The following ATE1 variants were observed in gnomAD, a reference collection of about 807,000 sequenced individuals.
The protein encoded by ATE1 is arginyltransferase 1.
In ATE1, 36 loss-of-function variants were observed where a neutral mutation model predicts 70.5. The ratio of observed to expected loss-of-function variants is 0.51; its 90% CI spans 0.39 to 0.67. The LOEUF (loss-of-function observed/expected upper bound fraction) is 0.67, where lower values mean the gene tolerates loss of function less well. Among genes scored for constraint, ATE1 ranks in the 30% least tolerant of loss-of-function variants. The probability of loss-of-function intolerance (pLI) is 0.00; values close to 1 mark genes in which losing one functional copy is unlikely to be tolerated. For synonymous variants in ATE1, 232 were observed against 219.3 expected, an observed-to-expected ratio of 1.06 and a Z score of -0.51; for missense variants, 593 against 629.5, an observed-to-expected ratio of 0.94 and a Z score of 0.62.
At chr10:121,894,124 C>T (rs1272760741) in intron 7 of ATE1, among the ~76,000 whole-genome samples, 13 of 119,630 alleles carry the variant, frequency 1.1e-4, no homozygotes, top group Non-Finnish European at 1.5e-4. Flanking sequence ...GCAACAAGAG[C>T]GAAACTCCAT....
At chr10:121,928,262 T>C (rs747759632), upstream of ATE1, 262 of 1,406,342 alleles carry the variant, frequency 1.9e-4, no homozygotes, top group Non-Finnish European at 2.4e-4. Context: ...GAAGCGGGAG[T>C]CGGGGTGCGA....
intron 10 of ATE1, among the ~76,000 whole-genome samples, chr10:121,806,250 G>A (rs1393245622): frequency 3.3e-5 from 5 of 152,068 alleles, no homozygotes; most frequent in African/African-American, 1.2e-4. Flanking sequence ...TCAGGAGTTC[G>A]AGACCAATCT....
At chr10:121,889,626 G>A (rs1378301137) in intron 7 of ATE1, among the ~76,000 whole-genome samples, 5 of 152,066 alleles carry the variant, frequency 3.3e-5, no homozygotes, top group African/African-American at 1.2e-4. Flanking sequence ...AATATAGCAA[G>A]ACTCTACCTC....
At chr10:121,844,184 G>A (rs1398375989) in intron 8 of ATE1, among the ~76,000 whole-genome samples, 1 of 152,246 alleles carries the variant, frequency 6.6e-6, no homozygotes, top group Non-Finnish European at 1.5e-5. Context: ...AGGATCCTCT[G>A]AGCCCAGGAG....
At chr10:121,919,715 T>C (rs1175042702) in intron 3 of ATE1, among the ~76,000 whole-genome samples, 2 of 152,054 alleles carry the variant, frequency 1.3e-5, no homozygotes, top group Non-Finnish European at 2.9e-5. Flanking sequence ...GCGGCCAACA[T>C]GGTGAAACCC....
intron 1 of ATE1, among the ~76,000 whole-genome samples, chr10:121,924,573 G>A (rs1421252461): frequency 2.0e-5 from 3 of 151,490 alleles, no homozygotes; most frequent in Admixed American, 6.6e-5. Context: ...AGTGGCGGGC[G>A]CCTGTAATCC....
chr10:121,909,701 C>A (rs886552647), intron 5 of ATE1, among the ~76,000 whole-genome samples: 4 of 152,088 alleles, frequency 2.6e-5, no homozygotes, highest in Non-Finnish European at 4.4e-5. Context: ...AAAGAATTGA[C>A]CCTACCCCCC....
intron 6 of ATE1, among the ~76,000 whole-genome samples, chr10:121,900,831 T>G (rs988589425): frequency 6.6e-6 from 1 of 152,228 alleles, no homozygotes; most frequent in African/African-American, 2.4e-5. Context: ...TAAGCGTGCT[T>G]GGCCTCCTGA....
At chr10:121,797,814 C>T (rs960118466) in intron 10 of ATE1, among the ~76,000 whole-genome samples, 2 of 152,208 alleles carry the variant, frequency 1.3e-5, no homozygotes, top group African/African-American at 4.8e-5. Flanking sequence ...TAAGTTTTTG[C>T]TCAACGTCAC....
At chr10:121,913,940 G>C (rs924580452) in intron 3 of ATE1, 47 bp from the exon 4 acceptor site, 1 of 1,457,762 alleles carries the variant, frequency 6.9e-7, no homozygotes, top group Non-Finnish European at 9.5e-7. Context: ...AAACCTTGAA[G>C]AAATGAAATC....
chr10:121,774,311 A>G (rs1945645189), intron 11 of ATE1, among the ~76,000 whole-genome samples: 1 of 152,208 alleles, frequency 6.6e-6, no homozygotes, highest in Non-Finnish European at 1.5e-5. Context: ...ATACTTATTT[A>G]CATTCAGTTA....
chr10:121,831,340 A>G (rs115691702), intron 10 of ATE1, among the ~76,000 whole-genome samples: 2,184 of 152,322 alleles, frequency 0.014, 45 homozygotes, highest in African/African-American at 0.05. Flanking sequence ...TATTTTGCAT[A>G]TAAACTTATT....
intron 3 of ATE1, among the ~76,000 whole-genome samples, chr10:121,921,118 G>T (rs1951865880): frequency 6.6e-6 from 1 of 151,748 alleles, no homozygotes; most frequent in African/African-American, 2.4e-5. Context: ...GGTACAGGCT[G>T]GTGACCTGGA....
At chr10:121,806,438 G>A (rs1947099699) in intron 10 of ATE1, among the ~76,000 whole-genome samples, 1 of 152,082 alleles carries the variant, frequency 6.6e-6, no homozygotes, top group African/African-American at 2.4e-5. Context: ...GGGTGACCGA[G>A]TGAGACCCTG....
chr10:121,816,036 CAG>C (rs1028588989), intron 10 of ATE1, among the ~76,000 whole-genome samples: 5 of 152,234 alleles, frequency 3.3e-5, no homozygotes, highest in Admixed American at 1.3e-4. Flanking sequence ...TTAGGGCAAA[CAG>C]AAATAGGAAC....
In ATE1 at chr10:121,841,105, A is replaced by G; in HGVS notation, c.1134T>C (p.Ser378=). The change falls in exon 9 of 12, where the codon TCT becomes TCC. Residue 378 remains serine, a synonymous_variant. Transcript: ENST00000224652. The part of the protein sequence containing the change: ...LYYDPDYSFL[S]LGVYSALREI... ...ACCGTAGTGCAGAGTAGACGCCCAA[A>G]GACAAAAACGAATAATCAGGATCGT... 1.9e-6 allele frequency: 3 copies of G among 1,573,814 alleles called. No individual in the cohort carries two copies. The highest frequency in any genetic ancestry group is 2.6e-6 in the Non-Finnish European group (3 of 1,155,704).
At chr10:121,782,953 G>A (rs1410502269) in intron 11 of ATE1, among the ~76,000 whole-genome samples, 1 of 152,026 alleles carries the variant, frequency 6.6e-6, no homozygotes, top group Non-Finnish European at 1.5e-5. Context: ...GCCTGCAGAC[G>A]GCCTACTGTG....
chr10:121,770,432 A>G (rs1029602266), intron 11 of ATE1, among the ~76,000 whole-genome samples: 5 of 152,204 alleles, frequency 3.3e-5, no homozygotes, highest in African/African-American at 1.2e-4. Flanking sequence ...TAGCAAAGGT[A>G]GTATTTCAGG....
At chr10:121,767,318 C>T (rs1264042740) in intron 11 of ATE1, among the ~76,000 whole-genome samples, 9 of 152,062 alleles carry the variant, frequency 5.9e-5, no homozygotes, top group Admixed American at 4.6e-4. Context: ...ATGCTTTCCC[C>T]CTAAGATCAG....
Sources: allele counts gnomAD v4.1 joint callset (sites outside exome capture counted in the v4.1 genomes callset), GRCh38; gene constraint gnomAD v4.1.1; transcripts MANE v1.5; gene names NCBI Gene and HGNC (gene_info 2026-07-23, HGNC 2026-07-21).